Variants in PIK3R1 observed in about 807,000 individuals in gnomAD.
PIK3R1 encodes phosphoinositide-3-kinase regulatory subunit 1, also known as phosphatidylinositol 3-kinase regulatory subunit alpha.
A neutral mutation model predicts 98.0 loss-of-function variants in PIK3R1; 29 were observed. That is an observed-to-expected ratio of 0.30 (90% CI 0.22 to 0.40). The LOEUF (loss-of-function observed/expected upper bound fraction) is 0.40. Among genes scored for constraint, PIK3R1 ranks in the 10% least tolerant of loss-of-function variants. PIK3R1 has a pLI of 1.00. For synonymous variants in PIK3R1, 282 were observed against 311.8 expected (o/e 0.90, Z 1.01); for missense variants, 596 against 872.7 (o/e 0.68, Z 3.99).
At position 68,273,429 on chromosome 5, in the gene PIK3R1, C is replaced by T. The variant is rs1401537376; in HGVS notation, c.374C>T (p.Pro125Leu). ...LPDLAEQFAP[P>L]DIAPPLLIKL... The stretch of plus-strand genomic sequence containing the variant: ...GATCTTGCAGAGCAGTTTGCCCCTC[C>T]TGACATTGCCCCGCCTCTTCTTATC... Residue 125 changes from proline (P) to leucine (L), a missense_variant, in exon 3 of 16, where the codon CCT becomes CTT. Pro to Leu is a moderately conservative substitution (Grantham distance 98, BLOSUM62 -3). Transcript: ENST00000521381. The T allele has an allele frequency of 6.2e-7, 1 of 1,614,140 alleles. No individual in the cohort carries two copies. Among genetic ancestry groups the T allele is most frequent in the Non-Finnish European group, 8.5e-7 (1 of 1,179,998 alleles).
In PIK3R1 at chr5:68,301,506, A is replaced by C. The variant is rs1289055623; in HGVS notation, c.*3905A>C. The C allele has an allele frequency of 6.8e-6, 1 of 146,680 alleles. No homozygotes were observed. The highest frequency in any genetic ancestry group is 1.5e-5 in the Non-Finnish European group (1 of 68,340). The allele number at this position is 146,680 out of a possible 1,614,324, so 9.1% of individuals were successfully genotyped here. Reference sequence around the variant, plus strand: ...TATGTATATATATGCACATATATATATGTATTTAAAAAAATCAAAACAAAA... The same window carrying C: ...TATGTATATATATGCACATATATATCTGTATTTAAAAAAATCAAAACAAAA... On this transcript the variant is annotated 3_prime_UTR_variant, in exon 16 of 16. Coordinates refer to ENST00000521381, the MANE Select transcript of PIK3R1 (RefSeq NM_181523.3).
At chr5:68,253,379 G>T (rs970640286) in intron 2 of PIK3R1, among the ~76,000 whole-genome samples, 1 of 152,104 alleles carries the variant, frequency 6.6e-6, no homozygotes, top group Admixed American at 6.5e-5. Context: ...ACTTGTGAAA[G>T]GTTCCAGCCT....
At chr5:68,216,072 C>CG in intron 1 of PIK3R1, 123 bp downstream of exon 1, 1 of 152,216 alleles carries the variant, frequency 6.6e-6, no homozygotes, top group Non-Finnish European at 1.5e-5. Context: ...AGAGCCCCGC[C>CG]GGGGGGAAGC....
At chr5:68,281,436 A>C (rs756542684) in intron 7 of PIK3R1, among the ~76,000 whole-genome samples, 57 of 152,230 alleles carry the variant, frequency 3.7e-4, no homozygotes, top group Non-Finnish European at 6.3e-4. Flanking sequence ...TGTCAAAATA[A>C]ACATTTTCAA....
chr5:68,237,400 G>A (rs185969464), intron 2 of PIK3R1, among the ~76,000 whole-genome samples: 8 of 152,222 alleles, frequency 5.3e-5, no homozygotes, highest in African/African-American at 1.9e-4. Flanking sequence ...TAACATTTGT[G>A]TTTCTGTTAC....
chr5:68,273,446 C>T lies in PIK3R1; in HGVS notation c.391C>T (p.Leu131Phe). The change falls in exon 3 of 16, where the codon CTT becomes TTT. Residue 131 changes from leucine to phenylalanine, a missense_variant. Around this residue, in one of 3 missense-constraint regions of PIK3R1, gnomAD observed 352 missense variants for 393.3 expected, o/e 0.90. Coordinates refer to ENST00000521381, the MANE Select transcript of PIK3R1 (RefSeq NM_181523.3). ...QFAPPDIAPP[L>F]LIKLVEAIEK... ...TGCCCCTCCTGACATTGCCCCGCCT[C>T]TTCTTATCAAGCTCGTGGAAGCCAT... The T allele has an allele frequency of 6.2e-7, 1 of 1,614,112 alleles. No individual in the cohort carries two copies. The highest frequency in any genetic ancestry group is 8.5e-7 in the Non-Finnish European group (1 of 1,179,982).
At chr5:68,290,814 A>G in intron 7 of PIK3R1, 1 of 1,611,986 alleles carries the variant, frequency 6.2e-7, no homozygotes, top group Non-Finnish European at 8.5e-7. Flanking sequence ...TTGATGTTTT[A>G]TATAGAAATG....
intron 2 of PIK3R1, among the ~76,000 whole-genome samples, chr5:68,256,933 G>A (rs1745541859): frequency 6.6e-6 from 1 of 152,132 alleles, no homozygotes; most frequent in African/African-American, 2.4e-5. Flanking sequence ...ATTAGTACTT[G>A]TCCTGTGGTA....
At chr5:68,226,035 C>CCACATTATCAGCGATAATGT (rs1178924754) in intron 1 of PIK3R1, among the ~76,000 whole-genome samples, 2 of 152,062 alleles carry the variant, frequency 1.3e-5, no homozygotes, top group Admixed American at 1.3e-4. Context: ...GTACTCTGAG[C>CCACATTATCAGCGATAATGT]CACATTATCA....
In PIK3R1 at chr5:68,293,758, A is replaced by G. The variant is rs1210332450; in HGVS notation, c.1349A>G (p.His450Arg). 2.6e-6 allele frequency: 4 copies of G among 1,536,490 alleles called. No homozygotes were observed. The highest frequency in any genetic ancestry group is 2.3e-5 in the East Asian group (1 of 44,330). The change falls in exon 11 of 16, where the codon CAT (histidine) becomes CGT (arginine). Residue 450 changes from histidine (H) to arginine (R), a missense_variant. By Grantham distance (29) the His-to-Arg change is conservative. Around this residue, in one of 3 missense-constraint regions of PIK3R1, gnomAD observed 207 missense variants for 361.4 expected, o/e 0.57. Coordinates refer to ENST00000521381, the MANE Select transcript of PIK3R1 (RefSeq NM_181523.3). Reference protein sequence around the residue: ...DNIEAVGKKLHEYNTQFQEKS... With the variant: ...DNIEAVGKKLREYNTQFQEKS... ...ATTGAAGCTGTAGGGAAAAAATTACATGAATATAACACTCAGTTTCAAGAA... is the reference window on the plus strand; with the variant it reads ...ATTGAAGCTGTAGGGAAAAAATTACGTGAATATAACACTCAGTTTCAAGAA...
chr5:68,292,617 A>G, intron 8 of PIK3R1: 1 of 1,442,274 alleles, frequency 6.9e-7, no homozygotes, highest in Non-Finnish European at 9.2e-7. Flanking sequence ...GGCACTGCCT[A>G]AGAACAGAGT....
chr5:68,254,224 G>A (rs905914013), intron 2 of PIK3R1, among the ~76,000 whole-genome samples: 1 of 152,176 alleles, frequency 6.6e-6, no homozygotes. Flanking sequence ...AGAAAAGAAT[G>A]ATTCTGCATC....
At chr5:68,279,561 A>G (rs765988084) in intron 4 of PIK3R1, 41 bp from the exon 5 acceptor site, 9 of 1,566,754 alleles carry the variant, frequency 5.7e-6, no homozygotes, top group South Asian at 4.5e-5. Flanking sequence ...GATGTATTCT[A>G]TAAAATAAAT....
chr5:68,267,353 A>G (rs1746162462), intron 2 of PIK3R1, among the ~76,000 whole-genome samples: 1 of 152,170 alleles, frequency 6.6e-6, no homozygotes, highest in Admixed American at 6.5e-5. Context: ...TGTTTTCTAT[A>G]CCAGTCTGTT....
intron 2 of PIK3R1, among the ~76,000 whole-genome samples, chr5:68,252,245 G>C (rs1293162314): frequency 6.6e-6 from 1 of 152,166 alleles, no homozygotes; most frequent in Non-Finnish European, 1.5e-5. Context: ...ACGTGAGCTT[G>C]CATCTGATGA....
At chr5:68,238,343 T>G (rs933759477) in intron 2 of PIK3R1, among the ~76,000 whole-genome samples, 6 of 152,210 alleles carry the variant, frequency 3.9e-5, no homozygotes, top group African/African-American at 1.4e-4. Flanking sequence ...TAACCGAGCC[T>G]ACTGAACCAT....
intron 2 of PIK3R1, among the ~76,000 whole-genome samples, chr5:68,246,605 G>A (rs1039448212): frequency 1.3e-5 from 2 of 152,108 alleles, no homozygotes; most frequent in Non-Finnish European, 2.9e-5. Context: ...GAGCCACCGC[G>A]CCCGTCCATG....
chr5:68,250,172 T>C (rs1286899036), intron 2 of PIK3R1, among the ~76,000 whole-genome samples: 13 of 152,184 alleles, frequency 8.5e-5, no homozygotes, highest in African/African-American at 2.9e-4. Flanking sequence ...TCCAGCTCAC[T>C]GTGTTTCTTT....
At chr5:68,274,928 A>G (rs1239866554) in intron 4 of PIK3R1, among the ~76,000 whole-genome samples, 7 of 152,238 alleles carry the variant, frequency 4.6e-5, no homozygotes, top group Admixed American at 1.3e-4. Context: ...AAAAAGAGTG[A>G]AACTCAGTTT....
Sources: gnomAD v4.1 joint callset for allele counts (sites outside exome capture counted in the v4.1 genomes callset) on GRCh38, gnomAD v4.1.1 for gene constraint, gnomAD v4.1.1 regional missense constraint, MANE v1.5 for transcripts, NCBI Gene and HGNC (gene_info 2026-07-23, HGNC 2026-07-21) for gene names.